The following NFS1 variants were observed in gnomAD, a reference collection of about 807,000 sequenced individuals.
NFS1 encodes NFS1 cysteine desulfurase.
NFS1 carries 26 observed loss-of-function variants against 57.3 expected under a neutral mutation model. The ratio of observed to expected loss-of-function variants is 0.45; its 90% CI spans 0.33 to 0.63. The LOEUF is 0.63. NFS1 is among the 20% of genes least tolerant of loss of function. The pLI is 0.02. For synonymous variants in NFS1, 209 were observed against 216.3 expected (o/e 0.97, Z 0.30); for missense variants, 505 against 605.8 (o/e 0.83, Z 1.75).
At chr20:35,669,860 T>C (rs2034624910) in intron 12 of NFS1, among the ~76,000 whole-genome samples, 175 bp from the exon 13 acceptor site, 2 of 152,162 alleles carry the variant, frequency 1.3e-5, no homozygotes, top group South Asian at 4.1e-4. Context: ...CAGCTCCCTG[T>C]AAGTCCTTGT....
At chr20:35,687,949 A>T (rs1424303478) in intron 5 of NFS1, among the ~76,000 whole-genome samples, 2 of 152,122 alleles carry the variant, frequency 1.3e-5, no homozygotes, top group Non-Finnish European at 2.9e-5. Flanking sequence ...AATGTTTAAA[A>T]ATTTAGCAGG....
chr20:35,692,885 C>T (rs2035069098), intron 4 of NFS1, among the ~76,000 whole-genome samples: 1 of 151,802 alleles, frequency 6.6e-6, no homozygotes, highest in African/African-American at 2.4e-5. Flanking sequence ...TCCTGTAATC[C>T]CAGCTACTCA....
intron 7 of NFS1, among the ~76,000 whole-genome samples, chr20:35,676,419 T>G (rs1305056490): frequency 6.6e-6 from 1 of 151,472 alleles, no homozygotes; most frequent in African/African-American, 2.4e-5. Flanking sequence ...AACCCCGTAA[T>G]TATTAAAAAT....
Position 35,685,857 on chromosome 20 carries a change from C to A in NFS1, c.562-3876G>T, listed in dbSNP as rs369977927. On this transcript the variant is annotated intron_variant, in intron 5 of 12. Coordinates refer to ENST00000374092, the MANE Select transcript of NFS1 (RefSeq NM_021100.5). ...TGGGCAACAAGAGCGAAATTCAGTACCCCCCCGCAAAAAAAAAAAAAAAAG... is the reference window on the plus strand; with the variant it reads ...TGGGCAACAAGAGCGAAATTCAGTAACCCCCCGCAAAAAAAAAAAAAAAAG... Among the ~76,000 whole-genome samples, 14 of 143,044 alleles carry A rather than the reference C, an allele frequency of 9.8e-5. No homozygotes were observed. The East Asian group carries it at 2.4e-3, about 25-fold the overall frequency. The allele number at this position is 143,044 out of a possible 152,430, so 93.8% of individuals were successfully genotyped here.
At position 35,699,252 on chromosome 20, in the gene NFS1, C is replaced by CTGT; in HGVS notation, c.36_37insACA (p.Val12_Ala13insThr). ...TTCGGCCCTGGAGCCGCTGTCACCGCCACTGCCGCCCGCCTCCAAGCGGCT... is the reference window on the plus strand; with the variant it reads ...TTCGGCCCTGGAGCCGCTGTCACCGCTGTCACTGCCGCCCGCCTCCAAGCGGCT... On this transcript the variant is annotated inframe_insertion, in exon 1 of 13. Coordinates refer to ENST00000374092, the MANE Select transcript of NFS1 (RefSeq NM_021100.5). This position sits in a 1 kb window ranked among gnomAD's most constrained non-coding sequence, Gnocchi z 4.4. The CTGT allele has an allele frequency of 7.0e-7, 1 of 1,426,038 alleles. No individual in the cohort carries two copies. The highest frequency in any genetic ancestry group is 2.9e-5 in the East Asian group (1 of 34,132). The allele number at this position is 1,426,038 out of a possible 1,614,324, so 88.3% of individuals were successfully genotyped here. A position where few individuals can be genotyped will look rare whatever the true frequency, so the allele number is the denominator to read the frequency against.
Position 35,685,161 on chromosome 20 carries a change from T to C in NFS1, c.562-3180A>G, listed in dbSNP as rs1335948001. Among the ~76,000 whole-genome samples the C allele has an allele frequency of 2.6e-5, 4 of 151,040 alleles. 1 individual carries two copies. Among genetic ancestry groups the C allele is most frequent in the African/African-American group, 9.8e-5 (4 of 40,782 alleles). On this transcript the variant is annotated intron_variant, in intron 5 of 12. Coordinates refer to ENST00000374092, the MANE Select transcript of NFS1 (RefSeq NM_021100.5). ...CTTGGCCCCCAAAGTGCTGGGATTA[T>C]AGGCATGAGCCACAGCACCTGGCCA...
At chr20:35,682,270 T>A (rs1264288549) in intron 5 of NFS1, among the ~76,000 whole-genome samples, 1 of 152,246 alleles carries the variant, frequency 6.6e-6, no homozygotes, top group Non-Finnish European at 1.5e-5. Context: ...AACTGTACAC[T>A]TGGGCATTTA....
At chr20:35,684,411 T>TAAATAAAATAAAATAAAATA (rs60162682) in intron 5 of NFS1, among the ~76,000 whole-genome samples, 47 of 124,418 alleles carry the variant, frequency 3.8e-4, no homozygotes, top group African/African-American at 1.4e-3. Flanking sequence ...CCATCTCAAA[T>TAAATAAAATAAAATAAAATA]AAATAAAATA....
intron 5 of NFS1, among the ~76,000 whole-genome samples, chr20:35,690,108 A>T (rs2035017857): frequency 6.6e-6 from 1 of 151,922 alleles, no homozygotes; most frequent in Non-Finnish European, 1.5e-5. Flanking sequence ...TCAAAATAAA[A>T]AAAAGAAGTA....
In NFS1 at chr20:35,699,186, G is replaced by A; in HGVS notation, c.97+6C>T. On this transcript the variant is annotated splice_donor_region_variant and intron_variant, in intron 1 of 12. Transcript: ENST00000374092. The surrounding 1 kb of genome is among the most constrained non-coding windows in gnomAD (Gnocchi z 4.4). ...GCGCCTCCCGGAGAGCGGGACCCGAGCGTACCGCGCAGGCGCAGCCCCCGA... is the reference window on the plus strand; with the variant it reads ...GCGCCTCCCGGAGAGCGGGACCCGAACGTACCGCGCAGGCGCAGCCCCCGA... The A allele has an allele frequency of 1.4e-6, 2 of 1,403,134 alleles. No individual in the cohort carries two copies. The highest frequency in any genetic ancestry group is 1.8e-6 in the Non-Finnish European group (2 of 1,088,762). 86.9% of individuals were successfully genotyped at this position (1,403,134 alleles called of 1,614,324 possible). A position where few individuals can be genotyped will look rare whatever the true frequency, so the allele number is the denominator to read the frequency against.
At chr20:35,682,396 G>C (rs1365269347) in intron 5 of NFS1, among the ~76,000 whole-genome samples, 3 of 152,244 alleles carry the variant, frequency 2.0e-5, no homozygotes, top group African/African-American at 7.2e-5. Flanking sequence ...GACGATTTTC[G>C]TACATCCATA....
chr20:35,669,739 A>G (rs571089029), intron 12 of NFS1, 54 bp from the exon 13 acceptor site: 1 of 1,536,902 alleles, frequency 6.5e-7, no homozygotes, highest in African/African-American at 1.4e-5. Context: ...GAAGTCGACA[A>G]CATTGGCCCC....
At chr20:35,693,088 C>T (rs1222293165) in intron 4 of NFS1, among the ~76,000 whole-genome samples, 2 of 151,758 alleles carry the variant, frequency 1.3e-5, no homozygotes, top group Non-Finnish European at 2.9e-5. Context: ...AAGATTTACA[C>T]TTCATTTTAT....
rs202048934 is a variant in NFS1 at position 35,673,581 on chromosome 20, T to C, written c.1220+20A>G. 4 of 1,603,018 alleles carry C rather than the reference T, an allele frequency of 2.5e-6. No homozygotes were observed. In the African/African-American group the frequency reaches 4.0e-5, roughly 16 times the overall value. On this transcript the variant is annotated intron_variant, in intron 11 of 12. Coordinates refer to ENST00000374092, the MANE Select transcript of NFS1 (RefSeq NM_021100.5). ...TATAAGAGGATGCCTTTCATAAATG[T>C]TGCAGCTCAACTCACTGACCTGATA...
intron 4 of NFS1, among the ~76,000 whole-genome samples, chr20:35,691,489 C>T (rs575311862): frequency 1.5e-4 from 23 of 151,274 alleles, no homozygotes; most frequent in Non-Finnish European, 2.5e-4. Flanking sequence ...GACTGTAATC[C>T]GAGCACTTTG....
chr20:35,698,812 T>G (rs1273478492), intron 1 of NFS1: 1 of 1,378,846 alleles, frequency 7.3e-7, no homozygotes, highest in African/African-American at 1.5e-5. Flanking sequence ...TGAGTTGATA[T>G]TCAAATGGTA....
intron 12 of NFS1, among the ~76,000 whole-genome samples, chr20:35,670,188 C>CA (rs2034630426): frequency 6.6e-6 from 1 of 152,206 alleles, no homozygotes; most frequent in Admixed American, 6.5e-5. Context: ...CTTAACCCTA[C>CA]ATCATCTTGG....
Position 35,699,022 on chromosome 20 carries a change from G to A in NFS1, c.97+170C>T, listed in dbSNP as rs866896424. 2.3e-6 allele frequency: 3 copies of A among 1,326,756 alleles called. No individual in the cohort carries two copies. Among genetic ancestry groups the A allele is most frequent in the Non-Finnish European group, 2.9e-6 (3 of 1,042,030 alleles). 82.2% of individuals were successfully genotyped at this position (1,326,756 alleles called of 1,614,324 possible). On this transcript the variant is annotated intron_variant, in intron 1 of 12. Coordinates refer to ENST00000374092, the MANE Select transcript of NFS1 (RefSeq NM_021100.5). The surrounding 1 kb of genome is among the most constrained non-coding windows in gnomAD (Gnocchi z 4.4). ...GCAGGGTGCGAGGGGTGGTGCGCCG[G>A]GGTCAACCGTTCGGGGACCCGCCTA...
At chr20:35,672,911 A>G in intron 11 of NFS1, 67 bp from the exon 12 acceptor site, 1 of 871,974 alleles carries the variant, frequency 1.1e-6, no homozygotes. Context: ...TCATTCCGCA[A>G]ATACTCACTA....
Sources: gnomAD v4.1 joint callset for allele counts (sites outside exome capture counted in the v4.1 genomes callset) on GRCh38, gnomAD v4.1.1 for gene constraint, Gnocchi (gnomAD v3.1) non-coding constraint, MANE v1.5 for transcripts, NCBI Gene and HGNC (gene_info 2026-07-23, HGNC 2026-07-21) for gene names.